Variants in NFXL1 observed in about 807,000 individuals in gnomAD.
The protein encoded by NFXL1 is nuclear transcription factor, X-box binding like 1.
In NFXL1, 66 loss-of-function variants were observed where a neutral mutation model predicts 123.3. The observed-to-expected ratio is 0.54, with a 90% CI of 0.44 to 0.66. The LOEUF (loss-of-function observed/expected upper bound fraction) is 0.66. Ranked by LOEUF, NFXL1 falls within the 30% of genes least tolerant of loss-of-function variation. NFXL1 has a pLI of 0.00. For synonymous variants in NFXL1, 346 were observed against 360.8 expected (o/e 0.96, Z 0.46); for missense variants, 944 against 1,125.6 (o/e 0.84, Z 2.31).
In NFXL1 at chr4:47,848,157, C is replaced by G; in HGVS notation, c.*6G>C. On this transcript the variant is annotated 3_prime_UTR_variant, in exon 23 of 23. Transcript: ENST00000507489. ...TCTGAGTTACATTAAAAGATCAAAA[C>G]TTTTTTTAATTGACATCATGGGTGA... is the stretch of plus-strand genomic sequence containing the variant. 1 of 1,541,390 alleles carries G rather than the reference C, an allele frequency of 6.5e-7. No homozygotes were observed. Among genetic ancestry groups the G allele is most frequent in the Non-Finnish European group, 8.8e-7 (1 of 1,138,990 alleles).
At chr4:47,890,802 C>T (rs1736722047) in intron 11 of NFXL1, 99 bp from the exon 12 acceptor site, 2 of 632,424 alleles carry the variant, frequency 3.2e-6, no homozygotes, top group Admixed American at 2.8e-5. Flanking sequence ...GCAAAAGATA[C>T]ACTTTTCACT....
chr4:47,857,607 T>C (rs1370322804), intron 19 of NFXL1, among the ~76,000 whole-genome samples: 1 of 152,190 alleles, frequency 6.6e-6, no homozygotes. Context: ...TCAATAAATG[T>C]ATCTTTTTTT....
intron 22 of NFXL1, among the ~76,000 whole-genome samples, chr4:47,849,550 T>C (rs1322068417): frequency 5.3e-5 from 8 of 152,216 alleles, no homozygotes; most frequent in Non-Finnish European, 8.8e-5. Flanking sequence ...CTTAGTTTAA[T>C]ACAAAGTGGC....
chr4:47,878,803 C>A (rs1735909090), intron 16 of NFXL1, 138 bp from the exon 17 acceptor site: 2 of 596,332 alleles, frequency 3.4e-6, no homozygotes. Context: ...ATAATAATAT[C>A]AAAATCAAAG....
At position 47,899,455 on chromosome 4, in the gene NFXL1, C is replaced by T. The variant is rs754265929; in HGVS notation, c.741G>A (p.Trp247Ter). The T allele has an allele frequency of 5.0e-6, 8 of 1,613,468 alleles. No homozygotes were observed. Among genetic ancestry groups the T allele is most frequent in the Non-Finnish European group, 6.8e-6 (8 of 1,179,566 alleles). ...CTTGGCCACATGAATGAGGCACAAG[C>T]CACGGATCTAAAGGTGGATCTTCTA... is the stretch of plus-strand genomic sequence containing the variant. ...GKVEDPPLDP[W>*]LVPHSCGQVC... is the part of the protein sequence containing the mutation. Residue 247 changes from tryptophan (W) to a stop codon, truncating the protein, a stop_gained, in exon 6 of 23, where the codon TGG becomes TGA. Transcript: ENST00000507489. LOFTEE classifies it high-confidence loss of function.
chr4:47,878,774 G>T, intron 16 of NFXL1, 109 bp from the exon 17 acceptor site: 1 of 750,814 alleles, frequency 1.3e-6, no homozygotes, highest in Non-Finnish European at 2.0e-6. Context: ...TTTCAGAAAG[G>T]TATAAGTTTG....
intron 18 of NFXL1, 39 bp from the exon 19 acceptor site, chr4:47,862,954 C>A (rs1179832957): frequency 9.7e-7 from 1 of 1,034,148 alleles, no homozygotes; most frequent in African/African-American, 1.6e-5. Flanking sequence ...AACAAAAATC[C>A]ATTTTATAGC....
chr4:47,894,706 A>G (rs1055588202), intron 10 of NFXL1, among the ~76,000 whole-genome samples: 1 of 152,110 alleles, frequency 6.6e-6, no homozygotes, highest in Non-Finnish European at 1.5e-5. Flanking sequence ...TTAAAGTCTC[A>G]AGTCTAGGCC....
intron 15 of NFXL1, among the ~76,000 whole-genome samples, chr4:47,879,780 T>A (rs1735975406): frequency 6.6e-6 from 1 of 152,106 alleles, no homozygotes; most frequent in Non-Finnish European, 1.5e-5. Flanking sequence ...CAAATCATAG[T>A]CTACTGATCT....
At position 47,914,197 on chromosome 4, in the gene NFXL1, C is replaced by T. The variant is rs372266087; in HGVS notation, c.7G>A (p.Ala3Thr). 3.6e-5 allele frequency: 54 copies of T among 1,502,806 alleles called. No individual in the cohort carries two copies. In the South Asian group the frequency reaches 4.6e-4, roughly 13 times the overall value. The allele number at this position is 1,502,806 out of a possible 1,614,324, so 93.1% of individuals were successfully genotyped here. Reference sequence around the variant, plus strand: ...CCACCGGCCACCTGGCGCCAGGAAGCTTCCATCCCTGCAAAGGAGAAAAAA... The same window carrying T: ...CCACCGGCCACCTGGCGCCAGGAAGTTTCCATCCCTGCAAAGGAGAAAAAA... ME[A>T]SWRQVAGGRG... Residue 3 changes from alanine to threonine, a missense_variant, in exon 2 of 23, where the codon GCT (alanine) becomes ACT (threonine). Around this residue, in one of 4 missense-constraint regions of NFXL1, gnomAD observed 303 missense variants for 292.1 expected, o/e 1.04. Transcript: ENST00000507489.
chr4:47,861,115 C>T (rs1229748185), intron 19 of NFXL1, among the ~76,000 whole-genome samples: 1 of 151,566 alleles, frequency 6.6e-6, no homozygotes, highest in Non-Finnish European at 1.5e-5. Flanking sequence ...CCCGCCTCAG[C>T]CTCCCAAAGT....
intron 18 of NFXL1, among the ~76,000 whole-genome samples, chr4:47,863,330 G>C (rs1281112007): frequency 1.3e-5 from 2 of 152,068 alleles, no homozygotes; most frequent in African/African-American, 4.8e-5. Context: ...TAGGCTATTT[G>C]GTGAGAAATA....
At chr4:47,892,790 C>T (rs1170390065) in intron 11 of NFXL1, among the ~76,000 whole-genome samples, 1 of 152,064 alleles carries the variant, frequency 6.6e-6, no homozygotes, top group Non-Finnish European at 1.5e-5. Flanking sequence ...AAAGAACCAG[C>T]ACCCAAAAAT....
chr4:47,847,409 A>G lies in NFXL1; in HGVS notation c.*754T>C, dbSNP rs369040221. The G allele has an allele frequency of 1.3e-5, 2 of 152,218 alleles. No homozygotes were observed. The highest frequency in any genetic ancestry group is 4.8e-5 in the African/African-American group (2 of 41,460). The allele number at this position is 152,218 out of a possible 1,614,324, so 9.4% of individuals were successfully genotyped here. ...CTATTTAAGATTGTGGTAAGGAGAA[A>G]CGAGATTAAGGTACATAGACCTCAT... On this transcript the variant is annotated 3_prime_UTR_variant, in exon 23 of 23. Transcript: ENST00000507489.
At chr4:47,850,079 G>A (rs568499676) in intron 22 of NFXL1, among the ~76,000 whole-genome samples, 99 of 152,066 alleles carry the variant, frequency 6.5e-4, no homozygotes, top group African/African-American at 2.1e-3. Context: ...AACAGGGAAT[G>A]TATCTAAGAT....
At chr4:47,854,448 T>C (rs142940567) in intron 20 of NFXL1, among the ~76,000 whole-genome samples, 65 of 152,252 alleles carry the variant, frequency 4.3e-4, no homozygotes, top group Non-Finnish European at 7.4e-4. Flanking sequence ...CAGTATATTT[T>C]CCTTCATAAG....
At chr4:47,882,921 C>T (rs2110076869) in intron 15 of NFXL1, among the ~76,000 whole-genome samples, 1 of 152,122 alleles carries the variant, frequency 6.6e-6, no homozygotes, top group South Asian at 2.1e-4. Flanking sequence ...TTTTTCTAGC[C>T]TAATTGTTCT....
chr4:47,848,077 G>C lies in NFXL1; in HGVS notation c.*86C>G. 1.3e-6 allele frequency: 1 copy of C among 787,996 alleles called. No homozygotes were observed. Among genetic ancestry groups the C allele is most frequent in the Non-Finnish European group, 2.0e-6 (1 of 503,488 alleles). The allele number at this position is 787,996 out of a possible 1,614,324, so 48.8% of individuals were successfully genotyped here. A position where few individuals can be genotyped will look rare whatever the true frequency, so the allele number is the denominator to read the frequency against. On this transcript the variant is annotated 3_prime_UTR_variant, in exon 23 of 23. Transcript: ENST00000507489. ...AGAGATGAATGTAAATATATATCAT[G>C]TTCTATAATATACATTTTCTAATAT...
At chr4:47,857,108 A>T (rs1423988117) in intron 19 of NFXL1, among the ~76,000 whole-genome samples, 1 of 152,196 alleles carries the variant, frequency 6.6e-6, no homozygotes, top group Non-Finnish European at 1.5e-5. Flanking sequence ...TTATTGATAC[A>T]TAATATTTGT....
Sources: gnomAD v4.1 joint callset for allele counts (sites outside exome capture counted in the v4.1 genomes callset) on GRCh38, gnomAD v4.1.1 for gene constraint, gnomAD v4.1.1 regional missense constraint, MANE v1.5 for transcripts, NCBI Gene and HGNC (gene_info 2026-07-23, HGNC 2026-07-21) for gene names.